The following ITIH4 variants were observed in gnomAD, a reference collection of about 807,000 sequenced individuals.
ITIH4 encodes the protein inter-alpha-trypsin inhibitor heavy chain 4, also known as inter-alpha-trypsin inhibitor heavy chain H4.
In ITIH4, 79 loss-of-function variants were observed where a neutral mutation model predicts 111.8. The ratio of observed to expected loss-of-function variants is 0.71; its 90% CI spans 0.59 to 0.85. ITIH4 has a LOEUF of 0.85. ITIH4 is among the 40% of genes least tolerant of loss of function. The pLI is 0.00. For synonymous variants in ITIH4, 472 were observed against 468.3 expected, an observed-to-expected ratio of 1.01 and a Z score of -0.10; for missense variants, 1,065 against 1,195.8, an observed-to-expected ratio of 0.89 and a Z score of 1.61.
rs1216431698 is a variant in ITIH4, at chr3:52,821,101, C to T, written c.1569G>A (p.Glu523=). Residue 523 remains glutamate, a synonymous_variant, in exon 12 of 24, where the codon GAG becomes GAA. Coordinates refer to ENST00000266041, the MANE Select transcript of ITIH4 (RefSeq NM_002218.5). The part of the protein sequence containing the change: ...LPTQNITFQT[E]SSVAEQEAEF... ...CCGCCTCCTGCTCTGCCACACTGGA[C>T]TCCGTTTGGAAAGTGATGTTCTGTG... 7 of 1,613,794 alleles carry T rather than the reference C, an allele frequency of 4.3e-6. No homozygotes were observed. In the South Asian group the frequency reaches 6.6e-5, roughly 15 times the overall value.
At position 52,827,154 on chromosome 3, in the gene ITIH4, C is replaced by G. The variant is rs564435031; in HGVS notation, c.295G>C (p.Ala99Pro). The G allele has an allele frequency of 2.0e-5, 32 of 1,614,160 alleles. No homozygotes were observed. Among genetic ancestry groups the G allele is most frequent in the Non-Finnish European group, 2.5e-5 (30 of 1,180,030 alleles). ...GCGCTGTACTGTGCCTGGGCTTCAG[C>G]CTTCTCCTTGATGATCCCTGGGTAG... ...MTYPGIIKEK[A>P]EAQAQYSAAV... is the part of the protein sequence containing the mutation. Residue 99 changes from alanine to proline, a missense_variant, in exon 3 of 24, where the codon GCT becomes CCT. Ala to Pro is a conservative substitution (Grantham distance 27, BLOSUM62 -1). Transcript: ENST00000266041.
intron 6 of ITIH4, among the ~76,000 whole-genome samples, chr3:52,825,498 C>T (rs2710325): frequency 0.11 from 16,465 of 151,364 alleles, 2,765 homozygotes; most frequent in African/African-American, 0.35. Flanking sequence ...CTAGGGAGGC[C>T]GAGGCAGGAG....
intron 20 of ITIH4, among the ~76,000 whole-genome samples, chr3:52,817,817 G>A (rs949002771): frequency 1.3e-5 from 2 of 152,224 alleles, no homozygotes; most frequent in Non-Finnish European, 2.9e-5. Context: ...CCTCCACATG[G>A]CTGCCATGCT....
intron 17 of ITIH4, 26 bp downstream of exon 17, chr3:52,819,367 C>T (rs1176727330): frequency 1.2e-6 from 2 of 1,613,424 alleles, no homozygotes; most frequent in African/African-American, 2.7e-5. Context: ...AAACCGAGGC[C>T]CTCGCAGGGC....
In ITIH4 at chr3:52,813,392, C is replaced by T. The variant is rs576285709; in HGVS notation, c.*29G>A. On this transcript the variant is annotated 3_prime_UTR_variant, in exon 24 of 24. Coordinates refer to ENST00000266041, the MANE Select transcript of ITIH4 (RefSeq NM_002218.5). ...CAGTTGCAGGGGGAAGCCAAGTGTA[C>T]AGGGTGGGCACAGCTCCTTCCATCA... 122 of 1,608,754 alleles carry T rather than the reference C, an allele frequency of 7.6e-5. 3 individuals are homozygous for T. The South Asian group carries it at 1.3e-3, about 17-fold the overall frequency.
rs899922228 is a variant in ITIH4, at chr3:52,824,379, G to C, written c.1045+18C>G. 1 of 1,613,546 alleles carries C rather than the reference G, an allele frequency of 6.2e-7. No homozygotes were observed. Among genetic ancestry groups the C allele is most frequent in the Non-Finnish European group, 8.5e-7 (1 of 1,179,622 alleles). ...AGCCCTGGAAGCCCCCACCCTGCAG[G>C]GCCACAGAGACACTTACCTCCCAGG... On this transcript the variant is annotated intron_variant, in intron 8 of 23. Coordinates refer to ENST00000266041, the MANE Select transcript of ITIH4 (RefSeq NM_002218.5). This position sits in a 1 kb window ranked among gnomAD's most constrained non-coding sequence, Gnocchi z 4.3.
chr3:52,826,052 C>G, intron 5 of ITIH4, 38 bp from the exon 6 acceptor site: 1 of 1,612,184 alleles, frequency 6.2e-7, no homozygotes, highest in Non-Finnish European at 8.5e-7. Flanking sequence ...GGAGGAACAG[C>G]AAAGCCAGGC....
intron 21 of ITIH4, among the ~76,000 whole-genome samples, chr3:52,815,820 G>A (rs779970002): frequency 3.8e-4 from 57 of 151,536 alleles, no homozygotes; most frequent in Non-Finnish European, 6.5e-4. Context: ...TGAGTAGCTG[G>A]GATTACAGGT....
Position 52,827,098 on chromosome 3 carries a change from G to A in ITIH4, c.351C>T (p.Leu117=), listed in dbSNP as rs747823443. The change falls in exon 3 of 24, where the codon CTC becomes CTT. Residue 117 remains leucine, a synonymous_variant. Coordinates refer to ENST00000266041, the MANE Select transcript of ITIH4 (RefSeq NM_002218.5). The part of the protein sequence containing the change: ...AAVAKGKSAG[L]VKATGRNMEQ... ...GCTGCCCCCCACCAGCTCACTTGACGAGGCCAGCGCTCTTTCCCTTGGCCA... is the reference window on the plus strand; with the variant it reads ...GCTGCCCCCCACCAGCTCACTTGACAAGGCCAGCGCTCTTTCCCTTGGCCA... 5 of 1,613,842 alleles carry A rather than the reference G, an allele frequency of 3.1e-6. No homozygotes were observed. Among genetic ancestry groups the A allele is most frequent in the East Asian group, 2.2e-5 (1 of 44,876 alleles).
At chr3:52,821,939 G>A (rs1307601991) in intron 11 of ITIH4, among the ~76,000 whole-genome samples, 3 of 152,070 alleles carry the variant, frequency 2.0e-5, no homozygotes, top group Non-Finnish European at 2.9e-5. Context: ...GCACACATAG[G>A]CTACCTGCAT....
chr3:52,817,595 A>C (rs1354538228), intron 20 of ITIH4, among the ~76,000 whole-genome samples: 1 of 151,946 alleles, frequency 6.6e-6, no homozygotes, highest in Admixed American at 6.5e-5. Context: ...GGCAGGGCCC[A>C]GCCAGCACCC....
chr3:52,822,540 A>T (rs749253512), intron 11 of ITIH4, among the ~76,000 whole-genome samples: 1 of 152,178 alleles, frequency 6.6e-6, no homozygotes, highest in African/African-American at 2.4e-5. Context: ...TTATCACTGG[A>T]CATCAATCAC....
At position 52,824,019 on chromosome 3, in the gene ITIH4, T is replaced by C; in HGVS notation, c.1172-15A>G. Reference sequence around the variant, plus strand: ...GTTAGTCTCCCCTGGACCCAGGGGTTTGGGATGAGGGTGAGAAAATAGTGA... The same window carrying C: ...GTTAGTCTCCCCTGGACCCAGGGGTCTGGGATGAGGGTGAGAAAATAGTGA... On this transcript the variant is annotated splice_polypyrimidine_tract_variant and intron_variant, in intron 9 of 23. Coordinates refer to ENST00000266041, the MANE Select transcript of ITIH4 (RefSeq NM_002218.5). This position sits in a 1 kb window ranked among gnomAD's most constrained non-coding sequence, Gnocchi z 4.3. The C allele has an allele frequency of 6.5e-7, 1 of 1,547,030 alleles. No homozygotes were observed. Among genetic ancestry groups the C allele is most frequent in the Non-Finnish European group, 8.7e-7 (1 of 1,147,182 alleles).
At position 52,818,186 on chromosome 3, in the gene ITIH4, C is replaced by T. The variant is rs199904932; in HGVS notation, c.2180-18G>A. On this transcript the variant is annotated intron_variant, in intron 19 of 23. Transcript: ENST00000266041. ...TATGGGGGCTGGGACAGCCGGGGCA[C>T]GGCTCCTGGAGCAGGAAGGGCAGGC... 1.0e-4 allele frequency: 167 copies of T among 1,602,140 alleles called. No homozygotes were observed. The highest frequency in any genetic ancestry group is 6.9e-4 in the South Asian group (62 of 89,928).
chr3:52,830,442 A>G (rs1208187732), intron 1 of ITIH4, 111 bp downstream of exon 1: 1 of 1,042,838 alleles, frequency 9.6e-7, no homozygotes, highest in African/African-American at 1.6e-5. Context: ...TTGCACACAC[A>G]GGGATGCACA....
At position 52,814,181 on chromosome 3, in the gene ITIH4, GC is replaced by G. The variant is rs765881240; in HGVS notation, c.2626+27del. On this transcript the variant is annotated intron_variant, in intron 22 of 23. Coordinates refer to ENST00000266041, the MANE Select transcript of ITIH4 (RefSeq NM_002218.5). ...CAAGCACAGCTGGTTTCTGAGGAAG[GC>G]CTGGGCCCCGGTAATGGGCTCAGTA... 26 of 1,608,906 alleles carry G rather than the reference GC, an allele frequency of 1.6e-5. No homozygotes were observed. The South Asian group carries it at 2.7e-4, about 16-fold the overall frequency.
Position 52,829,150 on chromosome 3 carries a change from G to A in ITIH4, c.220C>T (p.Pro74Ser), listed in dbSNP as rs751222977. 1 of 1,611,662 alleles carries A rather than the reference G, an allele frequency of 6.2e-7. No homozygotes were observed. Among genetic ancestry groups the A allele is most frequent in the East Asian group, 2.2e-5 (1 of 44,774 alleles). ...AAGTTGGTGATGAAGGCTTTCTTGGGCAGCTCCATCTGGAAGGTGGCCTCC... is the reference window on the plus strand; with the variant it reads ...AAGTTGGTGATGAAGGCTTTCTTGGACAGCTCCATCTGGAAGGTGGCCTCC... ...VQEATFQMEL[P>S]KKAFITNFSM... Residue 74 changes from proline to serine, a missense_variant, in exon 2 of 24, where the codon CCC (proline) becomes TCC (serine). Transcript: ENST00000266041.
intron 18 of ITIH4, 83 bp from the exon 19 acceptor site, chr3:52,818,366 C>A: frequency 6.4e-7 from 1 of 1,572,938 alleles, no homozygotes; most frequent in Non-Finnish European, 8.7e-7. Context: ...CTAGGTGTGG[C>A]TGGGTTCCCT....
At chr3:52,816,308 G>A (rs1239662647) in intron 21 of ITIH4, among the ~76,000 whole-genome samples, 1 of 152,210 alleles carries the variant, frequency 6.6e-6, no homozygotes, top group Non-Finnish European at 1.5e-5. Context: ...TTCACCAGCT[G>A]CTCAGTATTT....
Sources: gnomAD v4.1 joint callset for allele counts (sites outside exome capture counted in the v4.1 genomes callset) on GRCh38, gnomAD v4.1.1 for gene constraint, Gnocchi (gnomAD v3.1) non-coding constraint, MANE v1.5 for transcripts, NCBI Gene and HGNC (gene_info 2026-07-23, HGNC 2026-07-21) for gene names.